Variants in HIVEP1 observed in about 807,000 individuals in gnomAD.
The protein encoded by HIVEP1 is HIVEP zinc finger 1, also known as zinc finger protein 40.
In HIVEP1, 36 loss-of-function variants were observed where a neutral mutation model predicts 180.0. The ratio of observed to expected loss-of-function variants is 0.20; its 90% CI spans 0.15 to 0.26. The LOEUF is 0.26. Among genes scored for constraint, HIVEP1 ranks in the 10% least tolerant of loss-of-function variants. The pLI is 1.00. For synonymous variants in HIVEP1, 1,239 were observed against 1,239.0 expected (o/e 1.00, Z 0.00); for missense variants, 3,143 against 3,268.7 (o/e 0.96, Z 0.94).
At chr6:12,019,315 T>C (rs1238276060) in intron 2 of HIVEP1, among the ~76,000 whole-genome samples, 3 of 152,160 alleles carry the variant, frequency 2.0e-5, no homozygotes, top group Non-Finnish European at 4.4e-5. Context: ...TCACAATGTC[T>C]GTAAGGACTC....
chr6:12,180,381 A>G, the HIVEP1 span, among the ~76,000 whole-genome samples: 3 of 152,228 alleles, frequency 2.0e-5, no homozygotes, highest in Admixed American at 6.5e-5. Flanking sequence ...ACAAACTTCA[A>G]TCTTCATCTA....
chr6:12,175,205 CTAAT>C, the HIVEP1 span, among the ~76,000 whole-genome samples: 10 of 152,142 alleles, frequency 6.6e-5, no homozygotes, highest in Admixed American at 6.5e-4. Context: ...ATATTCGTAT[CTAAT>C]TACTGTTAAA....
At chr6:12,157,592 A>AAAG (rs1423989374) in intron 7 of HIVEP1, among the ~76,000 whole-genome samples, 2 of 152,132 alleles carry the variant, frequency 1.3e-5, no homozygotes, top group Admixed American at 6.5e-5. Flanking sequence ...TTGTGGCCAT[A>AAAG]CCTTTTTACA....
intron 2 of HIVEP1, among the ~76,000 whole-genome samples, chr6:12,016,795 T>A (rs533397325): frequency 6.6e-6 from 1 of 152,346 alleles, no homozygotes; most frequent in South Asian, 2.1e-4. Context: ...TTGAATGTGT[T>A]TGCCCGTCCC....
At position 12,121,841 on chromosome 6, in the gene HIVEP1, C is replaced by T. The variant is rs376440304; in HGVS notation, c.2046C>T (p.Ala682=). ...GTTACTTTTCACGTTCTGAAAGTGC[C>T]GATCAAACAGTGAGTCCACCAACTC... ...DSGYFSRSES[A]DQTVSPPTPF... The change falls in exon 4 of 9, where the codon GCC becomes GCT. Residue 682 remains alanine (A), a synonymous_variant. Coordinates refer to ENST00000379388, the MANE Select transcript of HIVEP1 (RefSeq NM_002114.4). The surrounding 1 kb of genome is among the most constrained non-coding windows in gnomAD (Gnocchi z 5.3). 13 of 1,614,000 alleles carry T rather than the reference C, an allele frequency of 8.1e-6. No individual in the cohort carries two copies. The East Asian group carries it at 8.9e-5, about 11-fold the overall frequency.
chr6:12,089,176 T>C lies in HIVEP1; in HGVS notation c.41-8T>C, dbSNP rs1279340668. ...ATTAATTTATAAATTTTTCTCTGTT[T>C]TTCTTAGACAAAATTGAAGAAGCAC... On this transcript the variant is annotated splice_region_variant and splice_polypyrimidine_tract_variant and intron_variant, in intron 2 of 8. Coordinates refer to ENST00000379388, the MANE Select transcript of HIVEP1 (RefSeq NM_002114.4). 2 of 1,495,518 alleles carry C rather than the reference T, an allele frequency of 1.3e-6. No individual in the cohort carries two copies. The highest frequency in any genetic ancestry group is 2.3e-5 in the East Asian group (1 of 44,028). 92.6% of individuals were successfully genotyped at this position (1,495,518 alleles called of 1,614,324 possible).
chr6:12,209,578 C>T, the HIVEP1 span, among the ~76,000 whole-genome samples: 1 of 152,160 alleles, frequency 6.6e-6, no homozygotes, highest in Non-Finnish European at 1.5e-5. Flanking sequence ...CTGATATATG[C>T]CCCACAGTAG....
intron 3 of HIVEP1, among the ~76,000 whole-genome samples, chr6:12,091,570 A>G (rs1773477611): frequency 6.6e-6 from 1 of 152,152 alleles, no homozygotes; most frequent in African/African-American, 2.4e-5. Flanking sequence ...TTGTATTTTA[A>G]TAATTTAAGG....
the HIVEP1 span, among the ~76,000 whole-genome samples, chr6:12,207,935 A>C: frequency 6.6e-6 from 1 of 150,540 alleles, no homozygotes; most frequent in Admixed American, 6.6e-5. Flanking sequence ...AGATTTATGG[A>C]TCATGGATGT....
chr6:12,110,342 C>CTGGA (rs1433797676), intron 3 of HIVEP1, among the ~76,000 whole-genome samples: 2 of 152,250 alleles, frequency 1.3e-5, no homozygotes, highest in African/African-American at 4.8e-5. Context: ...TATGAAAGCC[C>CTGGA]TGGATGGCAT....
chr6:12,152,130 T>A (rs1759741638), intron 7 of HIVEP1, among the ~76,000 whole-genome samples: 1 of 152,000 alleles, frequency 6.6e-6, no homozygotes, highest in Admixed American at 6.6e-5. Flanking sequence ...CACTCCAGCC[T>A]GGGTGACGGA....
chr6:12,115,957 A>G (rs115342713), intron 3 of HIVEP1, among the ~76,000 whole-genome samples: 84 of 151,626 alleles, frequency 5.5e-4, no homozygotes, highest in African/African-American at 1.9e-3. Flanking sequence ...GTGTCCTCTA[A>G]TGTATTTTAT....
At chr6:12,127,774 G>A (rs984850993) in intron 4 of HIVEP1, among the ~76,000 whole-genome samples, 6 of 152,182 alleles carry the variant, frequency 3.9e-5, no homozygotes, top group Non-Finnish European at 5.9e-5. Flanking sequence ...ATAAGAATGA[G>A]CAGAAAGTGG....
At chr6:12,067,459 A>G (rs903694805) in intron 2 of HIVEP1, among the ~76,000 whole-genome samples, 11 of 152,130 alleles carry the variant, frequency 7.2e-5, no homozygotes, top group African/African-American at 2.7e-4. Flanking sequence ...AATAAGGACT[A>G]TTTAAACAAT....
chr6:12,038,826 A>T (rs1365104588), intron 2 of HIVEP1: 2 of 152,176 alleles, frequency 1.3e-5, no homozygotes, highest in East Asian at 3.8e-4. Context: ...GAAATTAATA[A>T]ATAGAGTTTT....
chr6:12,118,141 G>GTT (rs376648879), intron 3 of HIVEP1, among the ~76,000 whole-genome samples: 249 of 134,962 alleles, frequency 1.8e-3, no homozygotes, highest in African/African-American at 3.9e-3. Flanking sequence ...ACCCCCTTTT[G>GTT]TTTTTTTTTT....
chr6:12,050,616 A>G (rs1024678524), intron 2 of HIVEP1, among the ~76,000 whole-genome samples: 2 of 151,802 alleles, frequency 1.3e-5, no homozygotes, highest in Non-Finnish European at 2.9e-5. Flanking sequence ...ATTAAACACC[A>G]TGGGTCCAGC....
At chr6:12,173,836 CA>C in the HIVEP1 span, among the ~76,000 whole-genome samples, 2 of 152,130 alleles carry the variant, frequency 1.3e-5, no homozygotes, top group Non-Finnish European at 2.9e-5. Flanking sequence ...TGAAAGACAT[CA>C]GGGCTTTACA....
chr6:12,200,330 G>C, the HIVEP1 span, among the ~76,000 whole-genome samples: 23 of 152,196 alleles, frequency 1.5e-4, no homozygotes, highest in African/African-American at 5.1e-4. Context: ...TTAAAATTGC[G>C]CATAAATATG....
Sources: gnomAD v4.1 joint callset for allele counts (sites outside exome capture counted in the v4.1 genomes callset) on GRCh38, gnomAD v4.1.1 for gene constraint, Gnocchi (gnomAD v3.1) non-coding constraint, MANE v1.5 for transcripts, NCBI Gene and HGNC (gene_info 2026-07-23, HGNC 2026-07-21) for gene names.